Variants in CELF2 observed in about 807,000 individuals in gnomAD.
CELF2 encodes the protein CUG triplet repeat RNA-binding protein 2.
A neutral mutation model predicts 62.6 loss-of-function variants in CELF2; 8 were observed. The ratio of observed to expected loss-of-function variants is 0.13; its 90% confidence interval spans 0.07 to 0.23. The LOEUF (loss-of-function observed/expected upper bound fraction) is 0.23, where lower values mean the gene tolerates loss of function less well. Ranked by LOEUF, CELF2 falls within the 10% of genes least tolerant of loss-of-function variation. The pLI, the probability that CELF2 is intolerant of heterozygous loss-of-function variation, is 1.00. For synonymous variants in CELF2, 258 were observed against 250.0 expected (o/e 1.03, Z -0.30); for missense variants, 333 against 671.0 (o/e 0.50, Z 5.56).
the CELF2 span, among the ~76,000 whole-genome samples, chr10:10,647,689 C>G: frequency 6.6e-6 from 1 of 152,046 alleles, no homozygotes; most frequent in African/African-American, 2.4e-5. Context: ...CAAAATCAGG[C>G]AAGAAAAAAT....
chr10:10,705,366 T>TAAAAA, the CELF2 span, among the ~76,000 whole-genome samples: 2 of 134,032 alleles, frequency 1.5e-5, no homozygotes, highest in African/African-American at 5.6e-5. Flanking sequence ...CCTTCCCTAT[T>TAAAAA]AAAAAAAAAA....
At position 11,270,482 on chromosome 10, in the gene CELF2, G is replaced by A. The variant is rs751865465; in HGVS notation, c.619-184G>A. On this transcript the variant is annotated intron_variant, in intron 6 of 12. Coordinates refer to ENST00000633077, the MANE Select transcript of CELF2 (RefSeq NM_001326342.2). This position sits in a 1 kb window ranked among gnomAD's most constrained non-coding sequence, Gnocchi z 5.8. ...AGATCCCCCAAAGAAACCACTGGCA[G>A]TGTCTGGAATTTTCTGTTGATGGTA... is the stretch of plus-strand genomic sequence containing the variant. Among the ~76,000 whole-genome samples, 2 of 152,236 alleles carry A rather than the reference G, an allele frequency of 1.3e-5. No homozygotes were observed. The highest frequency in any genetic ancestry group is 2.9e-5 in the Non-Finnish European group (2 of 68,038).
chr10:11,194,605 C>T (rs750209749), intron 2 of CELF2, among the ~76,000 whole-genome samples: 6 of 152,178 alleles, frequency 3.9e-5, no homozygotes, highest in African/African-American at 4.8e-5. Context: ...GAAGATGGCC[C>T]GTAGCCTTGA....
At chr10:11,209,436 G>A (rs867199190) in intron 2 of CELF2, among the ~76,000 whole-genome samples, 17 of 151,848 alleles carry the variant, frequency 1.1e-4, no homozygotes, top group African/African-American at 3.6e-4. Flanking sequence ...GGGCTACATG[G>A]GTGACCCTCC....
the CELF2 span, among the ~76,000 whole-genome samples, chr10:10,725,469 C>T: frequency 1.3e-5 from 2 of 152,188 alleles, no homozygotes; most frequent in African/African-American, 2.4e-5. Context: ...AATGTATACT[C>T]ACGGCTGGTG....
chr10:11,014,129 C>T (rs943019814), upstream of CELF2, among the ~76,000 whole-genome samples: 2 of 152,192 alleles, frequency 1.3e-5, no homozygotes, highest in African/African-American at 4.8e-5. Flanking sequence ...TTAACTAAAA[C>T]AGCTATGCTA....
the CELF2 span, among the ~76,000 whole-genome samples, chr10:10,565,424 T>C: frequency 6.6e-6 from 1 of 152,200 alleles, no homozygotes; most frequent in Non-Finnish European, 1.5e-5. Context: ...ACATGCAGAA[T>C]AAAAATGCTT....
At chr10:11,240,904 A>G (rs2073626816) in intron 3 of CELF2, among the ~76,000 whole-genome samples, 1 of 152,170 alleles carries the variant, frequency 6.6e-6, no homozygotes, top group Non-Finnish European at 1.5e-5. Flanking sequence ...GGCGTGGGGT[A>G]GAGGCCTCAG....
At chr10:10,893,698 A>C (rs1184395080) in intron 1 of CELF2, among the ~76,000 whole-genome samples, 1 of 152,182 alleles carries the variant, frequency 6.6e-6, no homozygotes, top group African/African-American at 2.4e-5. Context: ...TCATGGCAGA[A>C]GGCAAAAAGG....
At chr10:10,738,092 GAC>G in the CELF2 span, among the ~76,000 whole-genome samples, 1 of 152,152 alleles carries the variant, frequency 6.6e-6, no homozygotes. Flanking sequence ...GGGTCCATTT[GAC>G]ACTACAGGTC....
At chr10:10,999,302 G>C (rs942521051) in intron 2 of CELF2, among the ~76,000 whole-genome samples, 1 of 152,186 alleles carries the variant, frequency 6.6e-6, no homozygotes, top group Non-Finnish European at 1.5e-5. Flanking sequence ...TTCTAAAGTG[G>C]GGATAAAATG....
chr10:11,022,870 CA>C (rs2058559664), intron 1 of CELF2, among the ~76,000 whole-genome samples: 1 of 152,004 alleles, frequency 6.6e-6, no homozygotes. Flanking sequence ...TAAAAACCGA[CA>C]AAAATGAAAA....
chr10:11,009,945 C>T (rs1037996508), intron 1 of CELF2, among the ~76,000 whole-genome samples: 6 of 152,236 alleles, frequency 3.9e-5, no homozygotes, highest in Non-Finnish European at 8.8e-5. Flanking sequence ...AGCTTACAGG[C>T]AGCATCACGG....
the CELF2 span, among the ~76,000 whole-genome samples, chr10:10,571,068 C>G: frequency 2.0e-5 from 3 of 152,064 alleles, no homozygotes; most frequent in Non-Finnish European, 2.9e-5. Context: ...TTGAAAGAAA[C>G]AGGCAATTAC....
intron 3 of CELF2, among the ~76,000 whole-genome samples, chr10:11,229,627 C>T (rs1589442931): frequency 6.6e-6 from 1 of 150,902 alleles, no homozygotes; most frequent in Non-Finnish European, 1.5e-5. Context: ...GACAGTCTCG[C>T]TCTGTTGGCT....
the CELF2 span, among the ~76,000 whole-genome samples, chr10:10,614,320 C>T: frequency 3.3e-5 from 5 of 152,036 alleles, no homozygotes; most frequent in Admixed American, 1.3e-4. Flanking sequence ...TGGTAGAAGA[C>T]TGTCTCCTTC....
At chr10:10,651,007 GGTGCGCGCACC>G in the CELF2 span, among the ~76,000 whole-genome samples, 29 of 152,092 alleles carry the variant, frequency 1.9e-4, no homozygotes, top group South Asian at 2.5e-3. Flanking sequence ...CAGGCCAGTG[GGTGCGCGCACC>G]GTGCGCGAGC....
At chr10:11,144,588 T>TAAAAAAA (rs570609919) in intron 1 of CELF2, among the ~76,000 whole-genome samples, 11 of 141,228 alleles carry the variant, frequency 7.8e-5, no homozygotes, top group African/African-American at 1.6e-4. Context: ...CTGTATTATT[T>TAAAAAAA]AAAAAAAAAA....
At position 11,178,909 on chromosome 10, in the gene CELF2, G is replaced by A. The variant is rs773324163; in HGVS notation, c.271+13227G>A. Among the ~76,000 whole-genome samples, 1 of 152,196 alleles carries A rather than the reference G, an allele frequency of 6.6e-6. No individual in the cohort carries two copies. Among genetic ancestry groups the A allele is most frequent in the Non-Finnish European group, 1.5e-5 (1 of 68,038 alleles). ...ATCACATGTTTGCGATGAAAATGCT[G>A]TATTTTTAGAACACTTCAAAGTCAG... On this transcript the variant is annotated intron_variant, in intron 2 of 12. Coordinates refer to ENST00000633077, the MANE Select transcript of CELF2 (RefSeq NM_001326342.2). The surrounding 1 kb of genome is among the most constrained non-coding windows in gnomAD (Gnocchi z 4.3).
Sources: gnomAD v4.1 joint callset for allele counts (sites outside exome capture counted in the v4.1 genomes callset) on GRCh38, gnomAD v4.1.1 for gene constraint, Gnocchi (gnomAD v3.1) non-coding constraint, MANE v1.5 for transcripts, NCBI Gene and HGNC (gene_info 2026-07-23, HGNC 2026-07-21) for gene names.